Variants in EPC1 observed in about 807,000 individuals in gnomAD.
The protein encoded by EPC1 is enhancer of polycomb homolog 1.
A neutral mutation model predicts 98.4 loss-of-function variants in EPC1; 12 were observed. That is an observed-to-expected ratio of 0.12 (90% CI 0.08 to 0.20). The LOEUF (loss-of-function observed/expected upper bound fraction) is 0.20. EPC1 is among the 10% of genes least tolerant of loss of function. The pLI is 1.00. For synonymous variants in EPC1, 357 were observed against 363.9 expected, an observed-to-expected ratio of 0.98 and a Z score of 0.21; for missense variants, 729 against 990.5, an observed-to-expected ratio of 0.74 and a Z score of 3.54.
At chr10:32,296,922 T>G (rs1835204548) in intron 2 of EPC1, among the ~76,000 whole-genome samples, 1 of 150,856 alleles carries the variant, frequency 6.6e-6, no homozygotes, top group Non-Finnish European at 1.5e-5. Flanking sequence ...AAAAAAAAAT[T>G]ATTAAATAGG....
rs1444367207 is a variant in EPC1 at position 32,273,304 on chromosome 10, C to T, written c.1745-23G>A. ...ATGCTGAACATAAAATAAAGAAACA[C>T]TTTATAAAAATGCCCAGCTGTCATG... On this transcript the variant is annotated intron_variant, in intron 10 of 13. Coordinates refer to ENST00000319778, the MANE Select transcript of EPC1 (RefSeq NM_001272004.3). 3 of 1,609,954 alleles carry T rather than the reference C, an allele frequency of 1.9e-6. No individual in the cohort carries two copies. The Admixed American group carries it at 5.0e-5, about 27-fold the overall frequency.
At chr10:32,308,403 A>G (rs2505418) in intron 1 of EPC1, among the ~76,000 whole-genome samples, 148,453 of 151,846 alleles carry the variant, frequency 0.98, 72,644 homozygotes, top group East Asian at 1. Flanking sequence ...AAAAGCATAC[A>G]CCAATGTCTG....
At chr10:32,365,017 CT>C (rs1305838776) in intron 1 of EPC1, among the ~76,000 whole-genome samples, 1 of 151,610 alleles carries the variant, frequency 6.6e-6, no homozygotes, top group Admixed American at 6.6e-5. Context: ...TTGGATACCC[CT>C]GGTTTACATA....
chr10:32,372,187 C>T (rs969390806), intron 1 of EPC1, among the ~76,000 whole-genome samples: 5 of 152,104 alleles, frequency 3.3e-5, no homozygotes, highest in African/African-American at 1.2e-4. Flanking sequence ...TCTCATGCCC[C>T]ACCACAGGCC....
chr10:32,289,653 T>C (rs1836887892), intron 6 of EPC1, among the ~76,000 whole-genome samples: 1 of 151,784 alleles, frequency 6.6e-6, no homozygotes, highest in Non-Finnish European at 1.5e-5. Context: ...AGACGGAGTC[T>C]CGCACTGTAG....
intron 10 of EPC1, among the ~76,000 whole-genome samples, chr10:32,279,601 T>G (rs542073614): frequency 7.9e-5 from 12 of 152,304 alleles, no homozygotes; most frequent in Admixed American, 7.2e-4. Flanking sequence ...ACTGCAGATA[T>G]GAGAGCTTAG....
chr10:32,302,649 CAA>C (rs59397703), intron 2 of EPC1, among the ~76,000 whole-genome samples: 1 of 117,274 alleles, frequency 8.5e-6, no homozygotes. Context: ...GACTCCATCT[CAA>C]AAAAAAAAAA....
intron 10 of EPC1, 128 bp from the exon 11 acceptor site, chr10:32,273,409 G>A (rs1835932500): frequency 3.4e-6 from 4 of 1,164,184 alleles, no homozygotes; most frequent in South Asian, 1.8e-5. Flanking sequence ...TCATGATCCT[G>A]CTAAAGATCA....
At chr10:32,360,487 A>G (rs768325939) in intron 1 of EPC1, among the ~76,000 whole-genome samples, 5 of 152,208 alleles carry the variant, frequency 3.3e-5, no homozygotes, top group South Asian at 2.1e-4. Context: ...AGGCAGCCAC[A>G]TAGTGTAGTG....
chr10:32,271,952 T>C (rs1426532599), intron 12 of EPC1, 35 bp from the exon 13 acceptor site: 1 of 1,603,194 alleles, frequency 6.2e-7, no homozygotes, highest in Middle Eastern at 1.7e-4. Flanking sequence ...CTAAACAATG[T>C]ACAACTTTGC....
intron 1 of EPC1, chr10:32,345,313 C>T (rs1838692847): frequency 2.0e-6 from 2 of 985,212 alleles, no homozygotes; most frequent in Admixed American, 1.2e-4. Context: ...ATTTAAGACA[C>T]TACTCTCAAA....
intron 6 of EPC1, among the ~76,000 whole-genome samples, chr10:32,289,776 A>G (rs977724441): frequency 1.3e-5 from 2 of 151,460 alleles, no homozygotes; most frequent in Admixed American, 1.3e-4. Flanking sequence ...GGCGCCCACC[A>G]GCACGCCCGG....
chr10:32,375,371 C>T (rs1839850274), intron 1 of EPC1, among the ~76,000 whole-genome samples: 1 of 152,070 alleles, frequency 6.6e-6, no homozygotes, highest in Non-Finnish European at 1.5e-5. Context: ...CCTTACCCTA[C>T]CATTACCTAT....
intron 9 of EPC1, 56 bp from the exon 10 acceptor site, chr10:32,285,106 T>C (rs1008970936): frequency 2.9e-6 from 4 of 1,398,838 alleles, no homozygotes; most frequent in Middle Eastern, 1.9e-4. Flanking sequence ...AAAGATTATA[T>C]ATTAAAGCTT....
chr10:32,325,493 C>A (rs144043752), intron 1 of EPC1, among the ~76,000 whole-genome samples: 8 of 152,238 alleles, frequency 5.3e-5, no homozygotes, highest in Non-Finnish European at 7.4e-5. Flanking sequence ...CAAAACGTGA[C>A]ATAAAAGAAG....
intron 1 of EPC1, among the ~76,000 whole-genome samples, chr10:32,333,900 A>C (rs77736020): frequency 0.099 from 15,020 of 152,328 alleles, 848 homozygotes; most frequent in Middle Eastern, 0.13. Flanking sequence ...GTTTTAAAAA[A>C]TACTTACATA....
chr10:32,352,500 G>A (rs1373853341), intron 1 of EPC1, among the ~76,000 whole-genome samples: 3 of 152,118 alleles, frequency 2.0e-5, no homozygotes, highest in Non-Finnish European at 2.9e-5. Flanking sequence ...CTCAATAGAT[G>A]TAAGATATTG....
intron 1 of EPC1, among the ~76,000 whole-genome samples, chr10:32,366,592 A>C (rs1236807977): frequency 7.1e-6 from 1 of 141,196 alleles, no homozygotes; most frequent in African/African-American, 2.6e-5. Context: ...TTCAATAATC[A>C]TAAGAATAGT....
rs1306171972 is a variant in EPC1, at chr10:32,346,775, C to T, written c.141G>A (p.Lys47=). 2.5e-6 allele frequency: 4 copies of T among 1,614,130 alleles called. No homozygotes were observed. Among genetic ancestry groups the T allele is most frequent in the Admixed American group, 1.7e-5 (1 of 60,030 alleles). ...AVPQMPTGME[K]EEESEHHLQR... is the part of the protein sequence containing the mutation. ...AGTTAACACGTACCGACTCCTCTTC[C>T]TTCTCCATTCCGGTGGGCATCTGCG... Residue 47 remains lysine (K), a synonymous_variant, in exon 1 of 14, where the codon AAG becomes AAA. Transcript: ENST00000319778.
Sources: gnomAD v4.1 joint callset for allele counts (sites outside exome capture counted in the v4.1 genomes callset) on GRCh38, gnomAD v4.1.1 for gene constraint, MANE v1.5 for transcripts, NCBI Gene and HGNC (gene_info 2026-07-23, HGNC 2026-07-21) for gene names.